The following FRMD4A variants were observed in gnomAD, a reference collection of about 807,000 sequenced individuals.
FRMD4A encodes the protein FERM domain containing 4A.
FRMD4A carries 29 observed loss-of-function variants against 129.1 expected under a neutral mutation model. The observed-to-expected ratio is 0.22, with a 90% CI of 0.17 to 0.31. The LOEUF (loss-of-function observed/expected upper bound fraction) is 0.31, where lower values mean the gene tolerates loss of function less well. Among genes scored for constraint, FRMD4A ranks in the 10% least tolerant of loss-of-function variants. FRMD4A has a pLI of 1.00. For synonymous variants in FRMD4A, 634 were observed against 571.6 expected (o/e 1.11, Z -1.56); for missense variants, 1,272 against 1,375.8 (o/e 0.92, Z 1.19).
At chr10:14,122,981 C>T (rs1167235761) in intron 2 of FRMD4A, among the ~76,000 whole-genome samples, 2 of 152,120 alleles carry the variant, frequency 1.3e-5, no homozygotes, top group Non-Finnish European at 2.9e-5. Context: ...CATCATCCTA[C>T]AGTGGTATAG....
intron 2 of FRMD4A, among the ~76,000 whole-genome samples, chr10:13,859,573 C>T (rs1470882448): frequency 6.6e-6 from 1 of 152,078 alleles, no homozygotes; most frequent in Non-Finnish European, 1.5e-5. Flanking sequence ...GTTCATTCTT[C>T]ACTTATTCTT....
intron 2 of FRMD4A, among the ~76,000 whole-genome samples, chr10:14,262,092 G>A (rs1349973241): frequency 6.6e-6 from 1 of 151,952 alleles, no homozygotes; most frequent in Non-Finnish European, 1.5e-5. Context: ...TCCAAAATTT[G>A]AAGAGCAATC....
chr10:13,749,388 G>GA (rs2091455295), intron 8 of FRMD4A, among the ~76,000 whole-genome samples: 1 of 152,102 alleles, frequency 6.6e-6, no homozygotes, highest in Non-Finnish European at 1.5e-5. Context: ...AAAAAGCAAT[G>GA]AAACAAGGTA....
At chr10:14,076,200 C>A (rs1835592003) in intron 2 of FRMD4A, among the ~76,000 whole-genome samples, 1 of 152,212 alleles carries the variant, frequency 6.6e-6, no homozygotes, top group Non-Finnish European at 1.5e-5. Flanking sequence ...GCATGGATCC[C>A]CACCTGCCTT....
intron 2 of FRMD4A, among the ~76,000 whole-genome samples, chr10:13,924,796 T>G (rs1216613123): frequency 6.6e-6 from 1 of 152,126 alleles, no homozygotes; most frequent in African/African-American, 2.4e-5. Flanking sequence ...AGCAGACATC[T>G]GTTGAAAGAA....
chr10:13,744,371 G>A (rs2091182789), intron 9 of FRMD4A: 1 of 152,170 alleles, frequency 6.6e-6, no homozygotes, highest in Admixed American at 6.6e-5. Flanking sequence ...CGCACGGTGT[G>A]AAAAGTCCAT....
Position 13,925,343 on chromosome 10 carries a change from C to G in FRMD4A, c.46-66431G>C, listed in dbSNP as rs1482878303. 6.6e-5 allele frequency among the ~76,000 whole-genome samples: 10 copies of G among 152,206 alleles called. No homozygotes were observed. The Middle Eastern group carries it at 0.01, about 155-fold the overall frequency. On this transcript the variant is annotated intron_variant, in intron 2 of 24. Transcript: ENST00000357447. ...TCTAATCACCACTTCTATTATCAATCAAAAGTATTTGTATATTTACTTTTG... is the reference window on the plus strand; with the variant it reads ...TCTAATCACCACTTCTATTATCAATGAAAAGTATTTGTATATTTACTTTTG...
At chr10:14,238,456 T>C (rs1774370189) in intron 2 of FRMD4A, among the ~76,000 whole-genome samples, 1 of 152,224 alleles carries the variant, frequency 6.6e-6, no homozygotes, top group African/African-American at 2.4e-5. Flanking sequence ...AAGGATCTTT[T>C]AACATATCTT....
At chr10:14,227,782 C>A (rs913890066) in intron 2 of FRMD4A, among the ~76,000 whole-genome samples, 1 of 152,168 alleles carries the variant, frequency 6.6e-6, no homozygotes, top group African/African-American at 2.4e-5. Flanking sequence ...AGAACAGGTT[C>A]CTGGCTCATA....
intron 23 of FRMD4A, chr10:13,652,352 AC>A (rs2081703243): frequency 4.2e-6 from 1 of 238,350 alleles, no homozygotes. Flanking sequence ...GAGGGCTTGT[AC>A]ATTTCGGAGC....
intron 2 of FRMD4A, among the ~76,000 whole-genome samples, chr10:13,946,691 T>C (rs369247084): frequency 6.6e-6 from 1 of 152,190 alleles, no homozygotes; most frequent in African/African-American, 2.4e-5. Context: ...GCCAAGTGAT[T>C]GGTCCACTGA....
At chr10:13,773,173 C>T (rs1240436729) in intron 6 of FRMD4A, among the ~76,000 whole-genome samples, 2 of 152,210 alleles carry the variant, frequency 1.3e-5, no homozygotes, top group Non-Finnish European at 2.9e-5. Flanking sequence ...ACACACTCGA[C>T]ACTCCTTCGT....
chr10:14,024,018 G>T (rs1441583586), intron 2 of FRMD4A, among the ~76,000 whole-genome samples: 1 of 152,112 alleles, frequency 6.6e-6, no homozygotes, highest in African/African-American at 2.4e-5. Context: ...AACAAATGTG[G>T]TTCATTCAGG....
chr10:14,017,033 A>T (rs1022450040), intron 2 of FRMD4A, among the ~76,000 whole-genome samples: 2 of 152,142 alleles, frequency 1.3e-5, no homozygotes, highest in African/African-American at 2.4e-5. Flanking sequence ...TCTTGATATG[A>T]TTTGTCCCCA....
chr10:14,109,181 G>A (rs1188031168), intron 2 of FRMD4A, among the ~76,000 whole-genome samples: 1 of 150,378 alleles, frequency 6.6e-6, no homozygotes, highest in Non-Finnish European at 1.5e-5. Context: ...ATATGGACTA[G>A]GGAGATACTG....
intron 3 of FRMD4A, among the ~76,000 whole-genome samples, chr10:13,843,036 C>G (rs2093991241): frequency 6.6e-6 from 1 of 152,226 alleles, no homozygotes; most frequent in African/African-American, 2.4e-5. Context: ...AGTCTGGGAA[C>G]TGCTGCATCA....
chr10:14,229,667 G>C (rs561358369), intron 2 of FRMD4A, among the ~76,000 whole-genome samples: 1 of 152,060 alleles, frequency 6.6e-6, no homozygotes, highest in Non-Finnish European at 1.5e-5. Flanking sequence ...TTGAACTCGC[G>C]GGCACAAGCC....
At chr10:14,232,593 A>G (rs1843674187) in intron 2 of FRMD4A, among the ~76,000 whole-genome samples, 1 of 152,176 alleles carries the variant, frequency 6.6e-6, no homozygotes, top group Admixed American at 6.5e-5. Flanking sequence ...GTCATCTCTG[A>G]TTTCTTCAGC....
At chr10:13,854,263 A>G (rs1389424711) in intron 3 of FRMD4A, among the ~76,000 whole-genome samples, 3 of 152,190 alleles carry the variant, frequency 2.0e-5, no homozygotes, top group African/African-American at 7.2e-5. Flanking sequence ...AGAATAAATG[A>G]AGAAAATAAT....
Sources: allele counts gnomAD v4.1 joint callset (sites outside exome capture counted in the v4.1 genomes callset), GRCh38; gene constraint gnomAD v4.1.1; transcripts MANE v1.5; gene names NCBI Gene and HGNC (gene_info 2026-07-23, HGNC 2026-07-21).